ARHGAP22: variants seen among roughly 807,000 people sequenced by gnomAD.
ARHGAP22 encodes the protein rho GTPase-activating protein 22.
A neutral mutation model predicts 59.1 loss-of-function variants in ARHGAP22; 48 were observed. The observed-to-expected ratio is 0.81, with a 90% CI of 0.64 to 1.03. ARHGAP22 has a LOEUF of 1.03. Among genes scored for constraint, ARHGAP22 ranks in the 50% least tolerant of loss-of-function variants. ARHGAP22 has a pLI of 0.00. For synonymous variants in ARHGAP22, 445 were observed against 416.4 expected (o/e 1.07, Z -0.84); for missense variants, 1,015 against 958.7 (o/e 1.06, Z -0.78).
upstream of ARHGAP22, among the ~76,000 whole-genome samples, chr10:48,607,244 G>A (rs2060713019): frequency 6.6e-6 from 1 of 152,192 alleles, no homozygotes; most frequent in African/African-American, 2.4e-5. Context: ...TTCCTGTGCA[G>A]CTGTTTTCCC....
chr10:48,451,506 G>A (rs1376484333), intron 8 of ARHGAP22: 2 of 702,448 alleles, frequency 2.8e-6, no homozygotes, highest in Non-Finnish European at 5.2e-6. Context: ...GAACTCTCTC[G>A]GCTGCCCCAC....
chr10:48,634,151 C>T (rs974786527), intron 1 of ARHGAP22, among the ~76,000 whole-genome samples: 15 of 152,238 alleles, frequency 9.9e-5, no homozygotes, highest in African/African-American at 1.2e-4. Flanking sequence ...ATTTGGGTGG[C>T]GGATTTGATG....
At chr10:48,645,786 T>C (rs2136187347) in intron 1 of ARHGAP22, among the ~76,000 whole-genome samples, 1 of 152,128 alleles carries the variant, frequency 6.6e-6, no homozygotes, top group South Asian at 2.1e-4. Context: ...CAATATACTG[T>C]ATTATTCTAT....
chr10:48,443,147 A>C, downstream of ARHGAP22, among the ~76,000 whole-genome samples: 1 of 152,144 alleles, frequency 6.6e-6, no homozygotes, highest in East Asian at 1.9e-4. Flanking sequence ...ACCGCTGTGC[A>C]TTCCTATGAA....
upstream of ARHGAP22, among the ~76,000 whole-genome samples, chr10:48,655,053 T>TCC (rs1463934274): frequency 3.9e-4 from 23 of 59,640 alleles, no homozygotes; most frequent in Non-Finnish European, 6.3e-4. Flanking sequence ...TTTCTTTCTT[T>TCC]CTCCTTCCTT....
At chr10:48,524,522 G>T (rs886229581) in intron 3 of ARHGAP22, among the ~76,000 whole-genome samples, 1 of 152,046 alleles carries the variant, frequency 6.6e-6, no homozygotes, top group Non-Finnish European at 1.5e-5. Context: ...AAGCAGGGGT[G>T]GGGGGCCACA....
chr10:48,507,987 A>T (rs898249483), intron 3 of ARHGAP22, among the ~76,000 whole-genome samples: 1 of 151,812 alleles, frequency 6.6e-6, no homozygotes, highest in East Asian at 1.9e-4. Context: ...GTAGCTGCTG[A>T]GTCATGTGGA....
chr10:48,612,943 T>C (rs1360929678), intron 1 of ARHGAP22, among the ~76,000 whole-genome samples: 3 of 152,230 alleles, frequency 2.0e-5, no homozygotes, highest in African/African-American at 7.2e-5. Flanking sequence ...CCACAGGTCG[T>C]CCTTCAAAAC....
intron 1 of ARHGAP22, among the ~76,000 whole-genome samples, chr10:48,640,756 G>C (rs531223601): frequency 6.6e-6 from 1 of 152,256 alleles, no homozygotes; most frequent in East Asian, 1.9e-4. Flanking sequence ...ATTTCACTAT[G>C]CAGTAACTTG....
At chr10:48,453,165 A>C in intron 8 of ARHGAP22, 139 bp downstream of exon 8, 2 of 1,204,290 alleles carry the variant, frequency 1.7e-6, no homozygotes, top group Non-Finnish European at 2.3e-6. Context: ...CCAAGTCCCC[A>C]GAGATGGAGA....
rs575621861 is a variant in ARHGAP22 at position 48,451,079 on chromosome 10, C to T, written c.1050G>A (p.Thr350=). 2.8e-5 allele frequency: 44 copies of T among 1,552,670 alleles called. No individual in the cohort carries two copies. The South Asian group carries it at 3.0e-4, about 10-fold the overall frequency. Reference sequence around the variant, plus strand: ...AGGTGGGCCCTTCCGGGACCGGTGCCGTGAAGAGCTGGCTGTGTTTGCGGA... The same window carrying T: ...AGGTGGGCCCTTCCGGGACCGGTGCTGTGAAGAGCTGGCTGTGTTTGCGGA... ...VLIRKHSQLF[T]APVPEGPTSP... The change falls in exon 9 of 10, where the codon ACG becomes ACA. Residue 350 remains threonine (T), a synonymous_variant. Coordinates refer to ENST00000249601, the MANE Select transcript of ARHGAP22 (RefSeq NM_021226.4).
chr10:48,444,386 A>AGAT (rs2045275857), downstream of ARHGAP22: 1 of 152,248 alleles, frequency 6.6e-6, no homozygotes, highest in African/African-American at 2.4e-5. Context: ...GATGTTTTAC[A>AGAT]GATAAGATGC....
chr10:48,637,245 C>T (rs2061857224), intron 1 of ARHGAP22, among the ~76,000 whole-genome samples: 1 of 152,192 alleles, frequency 6.6e-6, no homozygotes, highest in African/African-American at 2.4e-5. Context: ...TAGAAAGGAG[C>T]CATGAATTAT....
Position 48,446,407 on chromosome 10 carries a change from G to A in ARHGAP22, c.2081C>T (p.Ala694Val). ...CCATTCCTTTTACTTTGGGGCCCTGGCACCTTTTGCCCCAACAGTCAAGCT... is the reference window on the plus strand; with the variant it reads ...CCATTCCTTTTACTTTGGGGCCCTGACACCTTTTGCCCCAACAGTCAAGCT... ...LGSLTVGAKG[A>V]RAPK Residue 694 changes from alanine to valine, a missense_variant, in exon 10 of 10, where the codon GCC becomes GTC. Ala to Val is a moderately conservative substitution (Grantham distance 64). Transcript: ENST00000249601. 1.9e-6 allele frequency: 3 copies of A among 1,614,104 alleles called. No individual in the cohort carries two copies. Among genetic ancestry groups the A allele is most frequent in the Non-Finnish European group, 1.7e-6 (2 of 1,180,004 alleles).
chr10:48,527,372 G>A (rs1422698991), intron 3 of ARHGAP22, among the ~76,000 whole-genome samples: 3 of 152,094 alleles, frequency 2.0e-5, no homozygotes, highest in Admixed American at 6.5e-5. Flanking sequence ...TGGATGGGTG[G>A]ATGGATCGTT....
chr10:48,641,473 A>C (rs1032286881), intron 1 of ARHGAP22, among the ~76,000 whole-genome samples: 5 of 152,238 alleles, frequency 3.3e-5, no homozygotes, highest in Non-Finnish European at 7.3e-5. Flanking sequence ...TCCAGCATAT[A>C]AACAGAACCA....
chr10:48,614,295 A>G (rs945060445), intron 1 of ARHGAP22, among the ~76,000 whole-genome samples: 1 of 152,246 alleles, frequency 6.6e-6, no homozygotes, highest in Non-Finnish European at 1.5e-5. Flanking sequence ...AGAAGAGGAC[A>G]GTATTTACCA....
At chr10:48,479,799 C>G in intron 3 of ARHGAP22, 35 bp from the exon 4 acceptor site, 1 of 1,527,192 alleles carries the variant, frequency 6.5e-7, no homozygotes, top group Non-Finnish European at 8.8e-7. Flanking sequence ...TACGCAGGGT[C>G]CCTGCCCGCA....
intron 2 of ARHGAP22, among the ~76,000 whole-genome samples, chr10:48,557,540 G>A (rs1350507584): frequency 7.2e-5 from 11 of 152,210 alleles, no homozygotes; most frequent in Admixed American, 1.3e-4. Flanking sequence ...GGAAGGTGAT[G>A]CAACCAGCCC....
Sources: gnomAD v4.1 joint callset for allele counts (sites outside exome capture counted in the v4.1 genomes callset) on GRCh38, gnomAD v4.1.1 for gene constraint, MANE v1.5 for transcripts, NCBI Gene and HGNC (gene_info 2026-07-23, HGNC 2026-07-21) for gene names.